Variants in PLCG2 observed in about 807,000 individuals in gnomAD.
The protein encoded by PLCG2 is phospholipase C gamma 2.
PLCG2 carries 69 observed loss-of-function variants against 175.6 expected under a neutral mutation model. That is an observed-to-expected ratio of 0.39 (90% CI 0.32 to 0.48). The LOEUF is 0.48. PLCG2 is among the 20% of genes least tolerant of loss of function. The pLI is 0.91. For synonymous variants in PLCG2, 827 were observed against 624.0 expected (o/e 1.33, Z -4.85); for missense variants, 1,798 against 1,650.9 (o/e 1.09, Z -1.54).
Position 81,883,153 on chromosome 16 carries a change from G to A in PLCG2, c.693-116G>A, listed in dbSNP as rs1908172851. On this transcript the variant is annotated intron_variant, in intron 8 of 32. Coordinates refer to ENST00000564138, the MANE Select transcript of PLCG2 (RefSeq NM_002661.5). ...GTTGGCCAACCTGGTACCTAACACA[G>A]TGCCAGACTAAGTGGGGCGTTCTGG... 7.8e-5 allele frequency: 63 copies of A among 809,164 alleles called. No homozygotes were observed. In the South Asian group the frequency reaches 8.8e-4, roughly 11 times the overall value. The allele number at this position is 809,164 out of a possible 1,614,324, so 50.1% of individuals were successfully genotyped here.
intron 17 of PLCG2, among the ~76,000 whole-genome samples, chr16:81,910,016 G>T (rs1227034574): frequency 2.1e-5 from 3 of 145,670 alleles, no homozygotes; most frequent in South Asian, 2.4e-4. Context: ...GGGGTGGGGT[G>T]GGGTGGGGGA....
At chr16:81,814,210 A>G (rs957424246) in intron 2 of PLCG2, among the ~76,000 whole-genome samples, 2 of 152,186 alleles carry the variant, frequency 1.3e-5, no homozygotes, top group African/African-American at 4.8e-5. Flanking sequence ...TCTGAAGGAT[A>G]GGCTGTCTTT....
rs113313312 is a variant in PLCG2 at position 81,940,715 on chromosome 16, G to GAGAC, written c.3481+659_3481+660insCAGA. ...ATGACTGAGCCCTTCCTACACAGCT[G>GAGAC]AGATAGACACTTCCAGGTGAGGGGA... On this transcript the variant is annotated intron_variant, in intron 30 of 32. Coordinates refer to ENST00000564138, the MANE Select transcript of PLCG2 (RefSeq NM_002661.5). 4.2e-3 allele frequency among the ~76,000 whole-genome samples: 633 copies of GAGAC among 151,990 alleles called. 8 individuals are homozygous for GAGAC. The highest frequency in any genetic ancestry group is 0.015 in the African/African-American group (615 of 41,392).
intron 2 of PLCG2, among the ~76,000 whole-genome samples, chr16:81,814,036 A>G (rs1749776867): frequency 6.6e-6 from 1 of 152,096 alleles, no homozygotes; most frequent in African/African-American, 2.4e-5. Context: ...GGGTGTGTTG[A>G]GTGATCTAGA....
intron 25 of PLCG2, 131 bp from the exon 26 acceptor site, chr16:81,934,298 A>C: frequency 1.6e-6 from 1 of 632,308 alleles, no homozygotes; most frequent in South Asian, 1.9e-5. Context: ...CAGGAAAGGA[A>C]AACATTCAAC....
At chr16:81,856,282 C>T (rs542488758) in intron 3 of PLCG2, among the ~76,000 whole-genome samples, 20 of 152,214 alleles carry the variant, frequency 1.3e-4, no homozygotes, top group African/African-American at 4.6e-4. Flanking sequence ...TTCATAGTTC[C>T]ATGAGGTGTT....
At chr16:81,873,348 A>G (rs761926585) in intron 7 of PLCG2, among the ~76,000 whole-genome samples, 7 of 152,272 alleles carry the variant, frequency 4.6e-5, no homozygotes, top group African/African-American at 7.2e-5. Context: ...ATAAAAGCTT[A>G]TCAGAATACT....
intron 25 of PLCG2, among the ~76,000 whole-genome samples, chr16:81,933,603 C>T (rs1266685014): frequency 6.6e-6 from 1 of 151,520 alleles, no homozygotes; most frequent in Non-Finnish European, 1.5e-5. Flanking sequence ...CAGAGTCTCA[C>T]TCTGTTGCCC....
intron 13 of PLCG2, among the ~76,000 whole-genome samples, chr16:81,899,445 T>G (rs1909047164): frequency 6.6e-6 from 1 of 152,076 alleles, no homozygotes; most frequent in Non-Finnish European, 1.5e-5. Context: ...AATTGACTTG[T>G]AACCCCAAAT....
intron 29 of PLCG2, among the ~76,000 whole-genome samples, chr16:81,939,646 G>A (rs566839042): frequency 4.6e-5 from 7 of 152,272 alleles, no homozygotes; most frequent in Admixed American, 2.6e-4. Flanking sequence ...ATCCTGGGGC[G>A]GGGAGATGGG....
At chr16:81,905,374 G>A (rs752896112) in intron 14 of PLCG2, 29 bp from the exon 15 acceptor site, 1 of 1,539,280 alleles carries the variant, frequency 6.5e-7, no homozygotes, top group Non-Finnish European at 9.0e-7. Context: ...TCTCCATGGA[G>A]ACAGCCTATG....
At chr16:81,883,046 C>T (rs1266940672) in intron 8 of PLCG2, among the ~76,000 whole-genome samples, 1 of 152,156 alleles carries the variant, frequency 6.6e-6, no homozygotes, top group Non-Finnish European at 1.5e-5. Flanking sequence ...GACACCAGGG[C>T]CTGCCCCTTG....
intron 1 of PLCG2, among the ~76,000 whole-genome samples, chr16:81,750,131 G>T (rs1909778243): frequency 6.6e-6 from 1 of 152,130 alleles, no homozygotes; most frequent in Admixed American, 6.5e-5. Context: ...AATTTGGCTG[G>T]GTGTGGTGGC....
At chr16:81,867,636 A>G (rs961542658) in intron 5 of PLCG2, among the ~76,000 whole-genome samples, 5 of 152,014 alleles carry the variant, frequency 3.3e-5, no homozygotes, top group Admixed American at 2.0e-4. Context: ...AGCTTTTGTT[A>G]CTATTGTTAC....
chr16:81,833,963 A>C (rs1327990944), intron 2 of PLCG2, among the ~76,000 whole-genome samples: 2 of 152,144 alleles, frequency 1.3e-5, no homozygotes, highest in East Asian at 3.9e-4. Flanking sequence ...CTTTAGCCAG[A>C]AGCTAGCAGG....
At chr16:81,900,369 A>G (rs1240718625) in intron 13 of PLCG2, among the ~76,000 whole-genome samples, 1 of 152,196 alleles carries the variant, frequency 6.6e-6, no homozygotes. Context: ...AAATACAGAG[A>G]AAAGGTGCAT....
chr16:81,821,523 G>A (rs573126148), intron 2 of PLCG2, among the ~76,000 whole-genome samples: 1 of 152,302 alleles, frequency 6.6e-6, no homozygotes, highest in South Asian at 2.1e-4. Context: ...CCTCTTCTAA[G>A]ATGGGTGGTT....
rs376192123 is a variant in PLCG2 at position 81,880,916 on chromosome 16, G to T, written c.655G>T (p.Asp219Tyr). 6 of 1,613,888 alleles carry T rather than the reference G, an allele frequency of 3.7e-6. No individual in the cohort carries two copies. The highest frequency in any genetic ancestry group is 5.1e-6 in the Non-Finnish European group (6 of 1,179,886). The change falls in exon 8 of 33, where the codon GAT becomes TAT. Residue 219 changes from aspartate to tyrosine, a missense_variant. Physicochemically the swap from Asp to Tyr is radical, Grantham distance 160. Coordinates refer to ENST00000564138, the MANE Select transcript of PLCG2 (RefSeq NM_002661.5). ...TGTGTGCTTTCCATTTCAGATTCTCGATGAATTCAAAAAGGATTCGTCCGT... is the reference window on the plus strand; with the variant it reads ...TGTGTGCTTTCCATTTCAGATTCTCTATGAATTCAAAAAGGATTCGTCCGT... Reference protein sequence around the residue: ...LMFEQQKSILDEFKKDSSVFI... With the variant: ...LMFEQQKSILYEFKKDSSVFI...
intron 28 of PLCG2, 57 bp from the exon 29 acceptor site, chr16:81,938,744 C>A: frequency 9.7e-7 from 1 of 1,027,846 alleles, no homozygotes; most frequent in Non-Finnish European, 1.5e-6. Context: ...GCAATCCACG[C>A]TAGGCTGCCT....
Sources: gnomAD v4.1 joint callset for allele counts (sites outside exome capture counted in the v4.1 genomes callset) on GRCh38, gnomAD v4.1.1 for gene constraint, MANE v1.5 for transcripts, NCBI Gene and HGNC (gene_info 2026-07-23, HGNC 2026-07-21) for gene names.